DENND1A: variants seen among roughly 807,000 people sequenced by gnomAD.
DENND1A encodes DENN domain containing 1A.
DENND1A carries 51 observed loss-of-function variants against 113.7 expected under a neutral mutation model. The ratio of observed to expected loss-of-function variants is 0.45; its 90% CI spans 0.36 to 0.57. The LOEUF is 0.57. DENND1A is among the 20% of genes least tolerant of loss of function. The probability of loss-of-function intolerance (pLI) is 0.00; values close to 1 mark genes in which losing one functional copy is unlikely to be tolerated. For synonymous variants in DENND1A, 565 were observed against 570.8 expected, an observed-to-expected ratio of 0.99 and a Z score of 0.14; for missense variants, 1,258 against 1,395.9, an observed-to-expected ratio of 0.90 and a Z score of 1.57.
intron 5 of DENND1A, among the ~76,000 whole-genome samples, chr9:123,729,807 C>T (rs1282016892): frequency 6.6e-6 from 1 of 152,108 alleles, no homozygotes; most frequent in Non-Finnish European, 1.5e-5. Flanking sequence ...CCAAGACAAT[C>T]CTAAGCAAAA....
intron 5 of DENND1A, among the ~76,000 whole-genome samples, chr9:123,680,066 G>A (rs2064343136): frequency 6.6e-6 from 1 of 152,140 alleles, no homozygotes; most frequent in South Asian, 2.1e-4. Context: ...CAGTTTGGGT[G>A]GAAGGAGCTG....
At chr9:123,751,590 C>CA (rs2070038343) in intron 5 of DENND1A, 1 of 152,246 alleles carries the variant, frequency 6.6e-6, no homozygotes, top group South Asian at 2.1e-4. Context: ...AACCAGCTGA[C>CA]AGTATTCCAT....
intron 12 of DENND1A, among the ~76,000 whole-genome samples, chr9:123,570,300 T>C (rs2058287229): frequency 6.6e-6 from 1 of 152,156 alleles, no homozygotes; most frequent in Admixed American, 6.5e-5. Context: ...GTCTCCTGTG[T>C]ATGGAAGCAA....
At chr9:123,878,087 CA>C (rs1847773691) in intron 2 of DENND1A, among the ~76,000 whole-genome samples, 1 of 151,734 alleles carries the variant, frequency 6.6e-6, no homozygotes, top group African/African-American at 2.4e-5. Context: ...CCTATAATCC[CA>C]GCTACTCGGG....
At chr9:123,884,539 G>A (rs566650676) in intron 1 of DENND1A, among the ~76,000 whole-genome samples, 113 of 151,782 alleles carry the variant, frequency 7.4e-4, no homozygotes, top group Non-Finnish European at 1.4e-3. Context: ...ATCTTCTTCA[G>A]TCTTGTACCC....
rs140305686 is a variant in DENND1A at position 123,403,997 on chromosome 9, A to G, written c.1543-507T>C. Reference sequence around the variant, plus strand: ...TTCCTCTCTAAATAAGAGAGGCATGAGAGAGTGCCACTACAAATCGTCTTT... The same window carrying G: ...TTCCTCTCTAAATAAGAGAGGCATGGGAGAGTGCCACTACAAATCGTCTTT... On this transcript the variant is annotated intron_variant, in intron 20 of 23. Transcript: ENST00000394215. 7.2e-5 allele frequency among the ~76,000 whole-genome samples: 11 copies of G among 152,350 alleles called. No homozygotes were observed. The East Asian group carries it at 1.9e-3, about 27-fold the overall frequency.
chr9:123,786,262 G>T (rs1481587997), intron 3 of DENND1A, among the ~76,000 whole-genome samples: 1 of 151,824 alleles, frequency 6.6e-6, no homozygotes, highest in Non-Finnish European at 1.5e-5. Flanking sequence ...AACCTAAAAG[G>T]TGACCTTTAA....
At chr9:123,535,047 A>C (rs535845732) in intron 13 of DENND1A, among the ~76,000 whole-genome samples, 2 of 152,222 alleles carry the variant, frequency 1.3e-5, no homozygotes, top group African/African-American at 4.8e-5. Context: ...CATCGAACAC[A>C]TCAGCAAATC....
At chr9:123,433,375 A>C (rs553176190) in intron 19 of DENND1A, among the ~76,000 whole-genome samples, 3 of 152,320 alleles carry the variant, frequency 2.0e-5, no homozygotes, top group East Asian at 3.9e-4. Context: ...TTGGGGAAAC[A>C]GGAGATTATA....
At chr9:123,850,257 T>C (rs943653250) in intron 2 of DENND1A, among the ~76,000 whole-genome samples, 6 of 152,142 alleles carry the variant, frequency 3.9e-5, no homozygotes, top group Non-Finnish European at 7.4e-5. Flanking sequence ...CTTTAAAAAA[T>C]TGCCACAGCC....
At chr9:123,806,954 A>G (rs1209178556) in intron 2 of DENND1A, among the ~76,000 whole-genome samples, 1 of 152,222 alleles carries the variant, frequency 6.6e-6, no homozygotes, top group Non-Finnish European at 1.5e-5. Context: ...ATAGTCTGAA[A>G]TGTAGGTACT....
chr9:123,534,898 T>C (rs1164342990), intron 13 of DENND1A, among the ~76,000 whole-genome samples: 1 of 152,124 alleles, frequency 6.6e-6, no homozygotes, highest in Non-Finnish European at 1.5e-5. Flanking sequence ...TGTCTGTGGC[T>C]TTTTTCCCCC....
At chr9:123,448,272 C>T (rs1305840271) in intron 18 of DENND1A, among the ~76,000 whole-genome samples, 1 of 152,182 alleles carries the variant, frequency 6.6e-6, no homozygotes, top group Non-Finnish European at 1.5e-5. Context: ...AATCTTTGAA[C>T]AACCACATTA....
chr9:123,440,782 G>A (rs1284884054), intron 18 of DENND1A, among the ~76,000 whole-genome samples: 1 of 152,110 alleles, frequency 6.6e-6, no homozygotes, highest in African/African-American at 2.4e-5. Flanking sequence ...TCATTTTTAT[G>A]TATTTACTTT....
chr9:123,517,062 T>A (rs1361185203), intron 13 of DENND1A, among the ~76,000 whole-genome samples: 5 of 151,654 alleles, frequency 3.3e-5, no homozygotes, highest in Non-Finnish European at 7.4e-5. Context: ...TGAATCTTTA[T>A]ATATAAGGTG....
intron 13 of DENND1A, among the ~76,000 whole-genome samples, chr9:123,521,258 C>T (rs970935976): frequency 5.9e-5 from 9 of 152,174 alleles, no homozygotes; most frequent in African/African-American, 2.2e-4. Flanking sequence ...TGTTGGTTAT[C>T]AGGATTCTTG....
intron 13 of DENND1A, among the ~76,000 whole-genome samples, chr9:123,490,103 G>A (rs2051240044): frequency 6.6e-6 from 1 of 152,194 alleles, no homozygotes. Context: ...AGAAGTACTA[G>A]TTAAGGCCGG....
chr9:123,905,972 G>C (rs1183264490), intron 1 of DENND1A, among the ~76,000 whole-genome samples: 1 of 151,272 alleles, frequency 6.6e-6, no homozygotes, highest in Non-Finnish European at 1.5e-5. Flanking sequence ...GCTCTCCTCA[G>C]CAAATGTAAA....
At chr9:123,686,644 G>A (rs906283988) in intron 5 of DENND1A, among the ~76,000 whole-genome samples, 2 of 152,164 alleles carry the variant, frequency 1.3e-5, no homozygotes, top group African/African-American at 2.4e-5. Context: ...AATTTAAAAT[G>A]TTTTAATCAA....
Sources: gnomAD v4.1 joint callset for allele counts (sites outside exome capture counted in the v4.1 genomes callset) on GRCh38, gnomAD v4.1.1 for gene constraint, MANE v1.5 for transcripts, NCBI Gene and HGNC (gene_info 2026-07-23, HGNC 2026-07-21) for gene names.